CHLSN: variants seen among roughly 807,000 people sequenced by gnomAD.
The protein encoded by CHLSN is cholesin.
the CHLSN span, among the ~76,000 whole-genome samples, chr7:992,092 G>A: frequency 6.6e-6 from 1 of 152,196 alleles, no homozygotes; most frequent in East Asian, 1.9e-4. Flanking sequence ...TCATGGGAGA[G>A]GCAGACACCC....
chr7:1,050,039 T>C, the CHLSN span, among the ~76,000 whole-genome samples: 3 of 152,304 alleles, frequency 2.0e-5, no homozygotes, highest in Admixed American at 6.5e-5. Context: ...TCTGGCGGGC[T>C]AGGCCTTGGC....
At chr7:1,132,691 C>CT in the CHLSN span, among the ~76,000 whole-genome samples, 6 of 94,548 alleles carry the variant, frequency 6.3e-5, no homozygotes, top group South Asian at 6.6e-4. Flanking sequence ...GAGAACCTGT[C>CT]TTTAAAAAAA....
the CHLSN span, among the ~76,000 whole-genome samples, chr7:1,120,029 A>C: frequency 6.6e-6 from 1 of 152,122 alleles, no homozygotes. Context: ...CTTTCGGAAG[A>C]AAAAAACAGA....
chr7:1,087,458 C>T, the CHLSN span, among the ~76,000 whole-genome samples: 1 of 152,242 alleles, frequency 6.6e-6, no homozygotes, highest in African/African-American at 2.4e-5. Flanking sequence ...ACCTTATACA[C>T]ACTGCCTGAA....
chr7:1,083,120 C>T, the CHLSN span, among the ~76,000 whole-genome samples: 1 of 152,230 alleles, frequency 6.6e-6, no homozygotes, highest in Admixed American at 6.5e-5. Context: ...GTAAAGTGCC[C>T]CTGGCACGAC....
At chr7:1,114,449 G>A in the CHLSN span, among the ~76,000 whole-genome samples, 4 of 152,224 alleles carry the variant, frequency 2.6e-5, no homozygotes, top group Admixed American at 2.6e-4. Flanking sequence ...GGTTGGACTC[G>A]ATGTTTAGAC....
chr7:1,116,380 T>G, the CHLSN span, among the ~76,000 whole-genome samples: 4 of 131,478 alleles, frequency 3.0e-5, no homozygotes, highest in African/African-American at 1.2e-4. Context: ...ACAGCTTCCA[T>G]CACCGACGCC....
At chr7:1,070,730 G>A in the CHLSN span, among the ~76,000 whole-genome samples, 9 of 144,280 alleles carry the variant, frequency 6.2e-5, no homozygotes, top group Admixed American at 2.1e-4. Context: ...GCGCACACAT[G>A]CACGCACATA....
At chr7:1,123,229 C>T in the CHLSN span, among the ~76,000 whole-genome samples, 2 of 152,214 alleles carry the variant, frequency 1.3e-5, no homozygotes, top group South Asian at 2.1e-4. This position sits in a 1 kb window ranked among gnomAD's most constrained non-coding sequence, Gnocchi z 4.4. Flanking sequence ...GGAACCGGAA[C>T]GCTGAAGGAA....
At chr7:995,155 G>A in the CHLSN span, among the ~76,000 whole-genome samples, 1 of 152,260 alleles carries the variant, frequency 6.6e-6, no homozygotes, top group South Asian at 2.1e-4. Flanking sequence ...GTGGCCCGAC[G>A]TGGCTGGCCC....
the CHLSN span, among the ~76,000 whole-genome samples, chr7:1,120,583 G>A: frequency 2.0e-5 from 3 of 152,264 alleles, no homozygotes; most frequent in Admixed American, 6.5e-5. Context: ...ACGAGCCACC[G>A]TACCTGGCCA....
At chr7:1,001,814 T>C in the CHLSN span, among the ~76,000 whole-genome samples, 7 of 108,326 alleles carry the variant, frequency 6.5e-5, no homozygotes, top group South Asian at 2.3e-3. Context: ...TAGGGAGTCC[T>C]GTGGGTGTGG....
At chr7:1,098,217 A>G in the CHLSN span, among the ~76,000 whole-genome samples, 1 of 152,208 alleles carries the variant, frequency 6.6e-6, no homozygotes, top group African/African-American at 2.4e-5. Context: ...GCACACAGCA[A>G]GTGGGGTGGG....
the CHLSN span, among the ~76,000 whole-genome samples, chr7:979,209 T>C: frequency 6.6e-6 from 1 of 152,204 alleles, no homozygotes. Context: ...CTATTGAGCA[T>C]TGCAATCCGG....
the CHLSN span, among the ~76,000 whole-genome samples, chr7:1,105,566 C>T: frequency 6.6e-6 from 1 of 151,294 alleles, no homozygotes; most frequent in African/African-American, 2.5e-5. Flanking sequence ...TTTAAAAATA[C>T]TTAGAAAAAA....
chr7:1,045,254 T>G, the CHLSN span: 1 of 152,224 alleles, frequency 6.6e-6, no homozygotes, highest in South Asian at 2.1e-4. Flanking sequence ...CTATGAATCT[T>G]GATGTGACTG....
At chr7:1,029,604 C>G in the CHLSN span, among the ~76,000 whole-genome samples, 2 of 152,238 alleles carry the variant, frequency 1.3e-5, no homozygotes, top group African/African-American at 4.8e-5. Context: ...GCCGCACTGG[C>G]CACCCAGAGC....
chr7:1,012,162 G>A, the CHLSN span, among the ~76,000 whole-genome samples: 1 of 152,264 alleles, frequency 6.6e-6, no homozygotes, highest in Admixed American at 6.5e-5. Flanking sequence ...GTCCACGGCT[G>A]ATCACACGGG....
the CHLSN span, among the ~76,000 whole-genome samples, chr7:983,625 C>T: frequency 2.6e-5 from 4 of 152,280 alleles, no homozygotes; most frequent in South Asian, 4.1e-4. Flanking sequence ...GGGCCCGGCG[C>T]GGGAGCAGGA....
Sources: allele counts gnomAD v4.1 joint callset (sites outside exome capture counted in the v4.1 genomes callset), GRCh38; gene constraint gnomAD v4.1.1; non-coding constraint Gnocchi (gnomAD v3.1); transcripts MANE v1.5; gene names NCBI Gene and HGNC (gene_info 2026-07-23, HGNC 2026-07-21).